LUC7L: variants seen among roughly 807,000 people sequenced by gnomAD.
LUC7L encodes LUC7 like.
LUC7L carries 29 observed loss-of-function variants against 51.1 expected under a neutral mutation model. That is an observed-to-expected ratio of 0.57 (90% CI 0.42 to 0.77). The LOEUF (loss-of-function observed/expected upper bound fraction) is 0.77, where lower values mean the gene tolerates loss of function less well. Among genes scored for constraint, LUC7L ranks in the 30% least tolerant of loss-of-function variants. The probability of loss-of-function intolerance (pLI) is 0.00; values close to 1 mark genes in which losing one functional copy is unlikely to be tolerated. For missense variants in LUC7L, 403 were observed against 511.9 expected, an observed-to-expected ratio of 0.79 and a Z score of 2.05; for synonymous variants, 181 against 180.7, an observed-to-expected ratio of 1.00 and a Z score of -0.01.
At chr16:196,195 C>T (rs966169518) in intron 6 of LUC7L, among the ~76,000 whole-genome samples, 1 of 152,048 alleles carries the variant, frequency 6.6e-6, no homozygotes, top group Non-Finnish European at 1.5e-5. Context: ...ATCACCTGAG[C>T]TCAGGAGTTC....
intron 3 of LUC7L, among the ~76,000 whole-genome samples, chr16:214,892 T>C (rs2049744587): frequency 6.6e-6 from 1 of 152,196 alleles, no homozygotes; most frequent in Admixed American, 6.5e-5. Context: ...TAGAGATTTC[T>C]AGAAATAAGT....
At chr16:198,007 G>A (rs917213365) in intron 6 of LUC7L, among the ~76,000 whole-genome samples, 1 of 151,972 alleles carries the variant, frequency 6.6e-6, no homozygotes, top group South Asian at 2.1e-4. Flanking sequence ...GGTGGCTCAC[G>A]CCTGTGGTCC....
chr16:190,605 C>T, intron 7 of LUC7L, 35 bp from the exon 8 acceptor site: 6 of 1,606,860 alleles, frequency 3.7e-6, no homozygotes, highest in Non-Finnish European at 5.1e-6. Flanking sequence ...CAAGGCCAGG[C>T]ATGGTGGCTC....
intron 3 of LUC7L, among the ~76,000 whole-genome samples, chr16:215,510 C>T (rs2049767716): frequency 6.6e-6 from 1 of 151,712 alleles, no homozygotes; most frequent in Non-Finnish European, 1.5e-5. Context: ...ATCCCAGCTA[C>T]TTGGGAGGCT....
chr16:214,553 C>T lies in LUC7L; in HGVS notation c.255+6096G>A, dbSNP rs370123335. Among the ~76,000 whole-genome samples the T allele has an allele frequency of 2.0e-5, 3 of 152,156 alleles. No individual in the cohort carries two copies. The East Asian group carries it at 5.8e-4, about 29-fold the overall frequency. ...CATTCATTCATTTATCTGAGACAGA[C>T]TCTTGTTCTGTTCTCCAGGCTGGAG... On this transcript the variant is annotated intron_variant, in intron 3 of 9. Coordinates refer to ENST00000293872, the MANE Select transcript of LUC7L (RefSeq NM_201412.3).
At chr16:218,901 G>T (rs2049885241) in intron 3 of LUC7L, among the ~76,000 whole-genome samples, 1 of 134,922 alleles carries the variant, frequency 7.4e-6, no homozygotes, top group African/African-American at 2.8e-5. Flanking sequence ...GACCAGCCTG[G>T]GCAACATAGT....
Position 220,764 on chromosome 16 carries a change from G to A in LUC7L, c.157-17C>T. 1.3e-6 allele frequency: 2 copies of A among 1,573,930 alleles called. No individual in the cohort carries two copies. Among genetic ancestry groups the A allele is most frequent in the Non-Finnish European group, 1.7e-6 (2 of 1,144,388 alleles). On this transcript the variant is annotated splice_polypyrimidine_tract_variant and intron_variant, in intron 2 of 9. Coordinates refer to ENST00000293872, the MANE Select transcript of LUC7L (RefSeq NM_201412.3). ...ATCCATGCGCTGTGGGAAAGAAACA[G>A]AAAATGCAGACCTCAGTGCCTACCT...
At chr16:228,735 C>T in intron 1 of LUC7L, 2 of 1,249,108 alleles carry the variant, frequency 1.6e-6, no homozygotes, top group Non-Finnish European at 2.1e-6. Context: ...CACAGAGGCT[C>T]TCCTGTGTGC....
chr16:207,441 C>T (rs1479661400), intron 4 of LUC7L, among the ~76,000 whole-genome samples: 2 of 152,142 alleles, frequency 1.3e-5, no homozygotes, highest in East Asian at 1.9e-4. Flanking sequence ...AGGTCTAAAA[C>T]TCCTGGGCTC....
chr16:224,370 T>G (rs1350030645), intron 2 of LUC7L, among the ~76,000 whole-genome samples: 5 of 143,296 alleles, frequency 3.5e-5, no homozygotes, highest in Non-Finnish European at 7.6e-5. Flanking sequence ...AATACAAAAA[T>G]TAGCCGGGTG....
At chr16:202,500 G>C (rs1046567611) in intron 5 of LUC7L, among the ~76,000 whole-genome samples, 1 of 151,868 alleles carries the variant, frequency 6.6e-6, no homozygotes, top group African/African-American at 2.4e-5. Flanking sequence ...CTATGTTTAC[G>C]TACACAAATA....
At chr16:198,987 A>C (rs1175909131) in intron 6 of LUC7L, 75 bp downstream of exon 6, 4 of 1,439,724 alleles carry the variant, frequency 2.8e-6, no homozygotes, top group African/African-American at 1.4e-5. Context: ...GCCAAAACAT[A>C]AGGTTTTTAA....
intron 3 of LUC7L, chr16:209,112 A>AG (rs2049565666): frequency 6.6e-6 from 1 of 152,166 alleles, no homozygotes; most frequent in Non-Finnish European, 1.5e-5. Flanking sequence ...TGAGCCTCGG[A>AG]GGCAGAAGTT....
At chr16:224,998 G>A (rs897747182) in intron 2 of LUC7L, among the ~76,000 whole-genome samples, 1 of 152,096 alleles carries the variant, frequency 6.6e-6, no homozygotes, top group African/African-American at 2.4e-5. Flanking sequence ...AAATACTACT[G>A]GCCATTCCCC....
chr16:195,969 C>T (rs1357656337), intron 6 of LUC7L, among the ~76,000 whole-genome samples: 1 of 152,132 alleles, frequency 6.6e-6, no homozygotes, highest in Non-Finnish European at 1.5e-5. Context: ...TTGTTTTGGT[C>T]AACTCTATGC....
chr16:208,067 C>G lies in LUC7L; in HGVS notation c.366+11G>C, dbSNP rs201062288. ...AAGAACACACCAGACACCGAAGCCA[C>G]CCAAGCATACCTTTGCAGAAACTTC... On this transcript the variant is annotated intron_variant, in intron 4 of 9. Coordinates refer to ENST00000293872, the MANE Select transcript of LUC7L (RefSeq NM_201412.3). 5 of 1,594,194 alleles carry G rather than the reference C, an allele frequency of 3.1e-6. No homozygotes were observed. In the African/African-American group the frequency reaches 4.1e-5, roughly 13 times the overall value.
chr16:199,909 G>C (rs2049273348), intron 5 of LUC7L, among the ~76,000 whole-genome samples: 1 of 151,926 alleles, frequency 6.6e-6, no homozygotes, highest in South Asian at 2.1e-4. Context: ...AGAATCACTT[G>C]AACCTGGGAA....
intron 3 of LUC7L, among the ~76,000 whole-genome samples, chr16:212,947 T>C (rs1016851651): frequency 6.6e-6 from 1 of 152,018 alleles, no homozygotes; most frequent in East Asian, 1.9e-4. Context: ...CCAGCTAACA[T>C]TTCTGATTTT....
At chr16:190,737 AG>A in intron 7 of LUC7L, 167 bp from the exon 8 acceptor site, 1 of 629,638 alleles carries the variant, frequency 1.6e-6, no homozygotes, top group South Asian at 1.9e-5. Context: ...AAACCTGGCC[AG>A]GCGTGGTGGC....
Sources: allele counts gnomAD v4.1 joint callset (sites outside exome capture counted in the v4.1 genomes callset), GRCh38; gene constraint gnomAD v4.1.1; transcripts MANE v1.5; gene names NCBI Gene and HGNC (gene_info 2026-07-23, HGNC 2026-07-21).